SLC4A1AP: variants seen among roughly 807,000 people sequenced by gnomAD.
SLC4A1AP encodes kanadaptin.
In SLC4A1AP, 64 loss-of-function variants were observed where a neutral mutation model predicts 89.7. The observed-to-expected ratio is 0.71, with a 90% CI of 0.58 to 0.88. SLC4A1AP has a LOEUF of 0.88. Among genes scored for constraint, SLC4A1AP ranks in the 40% least tolerant of loss-of-function variants. SLC4A1AP has a pLI of 0.00. For missense variants in SLC4A1AP, 931 were observed against 965.0 expected (o/e 0.96, Z 0.47); for synonymous variants, 366 against 353.3 (o/e 1.04, Z -0.40).
At chr2:27,669,378 C>G in exon 5 of SLC4A1AP, 2 of 1,609,264 alleles carry the variant, frequency 1.2e-6, no homozygotes, top group Non-Finnish European at 1.7e-6. Context: ...ATTGCTTCGG[C>G]AGGAAGCAGG....
Position 27,677,935 on chromosome 2 carries a change from G to T in SLC4A1AP, c.1763+11G>T, listed in dbSNP as rs998153552. 1.3e-6 allele frequency: 2 copies of T among 1,548,328 alleles called. No individual in the cohort carries two copies. The highest frequency in any genetic ancestry group is 2.0e-5 in the Admixed American group (1 of 50,238). The stretch of plus-strand genomic sequence containing the variant: ...TCCAGAACTAAAAAAGTAAGTCTTA[G>T]TTATATTTGGAATTCTAAATAAGTA... On this transcript the variant is annotated intron_variant, in intron 8 of 13. Coordinates refer to ENST00000613058, the Ensembl canonical transcript of SLC4A1AP.
exon 6 of SLC4A1AP, chr2:27,675,557 C>T: frequency 6.3e-7 from 1 of 1,595,292 alleles, no homozygotes; most frequent in Non-Finnish European, 8.5e-7. Context: ...AAGCCAAGAA[C>T]TGGGAAGATG....
Position 27,676,922 on chromosome 2 carries a change from T to C in SLC4A1AP, c.1507-373T>C, listed in dbSNP as rs1333382591. Reference sequence around the variant, plus strand: ...TTGAGAGGCTGAGGCAGGCTGATCATGAGGTCAGGAGATTGAGACCATCCT... The same window carrying C: ...TTGAGAGGCTGAGGCAGGCTGATCACGAGGTCAGGAGATTGAGACCATCCT... On this transcript the variant is annotated intron_variant, in intron 6 of 13. Coordinates refer to ENST00000613058, the Ensembl canonical transcript of SLC4A1AP. Among the ~76,000 whole-genome samples the C allele has an allele frequency of 4.0e-5, 6 of 151,546 alleles. No individual in the cohort carries two copies. The East Asian group carries it at 1.2e-3, about 29-fold the overall frequency.
chr2:27,684,954 A>G, intron 9 of SLC4A1AP, 83 bp from the exon 10 acceptor site: 1 of 1,473,742 alleles, frequency 6.8e-7, no homozygotes, highest in Non-Finnish European at 9.1e-7. Flanking sequence ...CATTCAGTAC[A>G]TTTAGACTGA....
chr2:27,694,569 A>G (rs950096223), intron 13 of SLC4A1AP, 65 bp from the exon 14 acceptor site: 4 of 1,233,338 alleles, frequency 3.2e-6, no homozygotes, highest in East Asian at 2.5e-5. Context: ...TGATATCTGG[A>G]TATCTTTTCT....
intron 5 of SLC4A1AP, among the ~76,000 whole-genome samples, chr2:27,671,874 G>T (rs1176101357): frequency 6.6e-6 from 1 of 152,098 alleles, no homozygotes; most frequent in Admixed American, 6.6e-5. Flanking sequence ...GAGTGTATAG[G>T]AAATAAATTT....
chr2:27,684,916 T>G (rs1223210695), intron 9 of SLC4A1AP, 121 bp from the exon 10 acceptor site: 6 of 1,173,422 alleles, frequency 5.1e-6, no homozygotes, highest in Non-Finnish European at 5.9e-6. Context: ...CAGACTTCTG[T>G]GGAGTTCATC....
In SLC4A1AP at chr2:27,664,146, C is replaced by CATGT. The variant is rs1419908041; in HGVS notation, c.395_396insTGTA (p.Gln132HisfsTer52). 3 of 1,614,168 alleles carry CATGT rather than the reference C, an allele frequency of 1.9e-6. No individual in the cohort carries two copies. The East Asian group carries it at 6.7e-5, about 36-fold the overall frequency. On this transcript the variant is annotated frameshift_variant, in exon 1 of 14. Coordinates refer to ENST00000613058, the Ensembl canonical transcript of SLC4A1AP. LOFTEE classifies it high-confidence loss of function. Reference sequence around the variant, plus strand: ...GGACTGCGGTGATTTTAGGAGTCTACAGGAGGAGCAGTCGCGCCCCCCGAC... The same window carrying CATGT: ...GGACTGCGGTGATTTTAGGAGTCTACATGTAGGAGGAGCAGTCGCGCCCCCCGAC...
chr2:27,672,118 T>C (rs1356736488), intron 5 of SLC4A1AP, among the ~76,000 whole-genome samples: 1 of 152,208 alleles, frequency 6.6e-6, no homozygotes, highest in Non-Finnish European at 1.5e-5. Context: ...AACTATGAAG[T>C]ACTTTTCTGT....
At position 27,664,608 on chromosome 2, in the gene SLC4A1AP, G is replaced by A. The variant is rs377476273; in HGVS notation, c.825+31G>A. On this transcript the variant is annotated intron_variant, in intron 1 of 13. Coordinates refer to ENST00000613058, the Ensembl canonical transcript of SLC4A1AP. ...TAGAAAAACCTAGAATTGAAATTTC[G>A]GGTTCATTGGACTGCGTTCTTGTGC... 4.3e-5 allele frequency: 65 copies of A among 1,520,680 alleles called. No homozygotes were observed. In the African/African-American group the frequency reaches 8.4e-4, roughly 20 times the overall value. The allele number at this position is 1,520,680 out of a possible 1,614,324, so 94.2% of individuals were successfully genotyped here.
Position 27,685,260 on chromosome 2 carries a change from A to G in SLC4A1AP, c.2099A>G (p.Lys700Arg), listed in dbSNP as rs767738323. The G allele has an allele frequency of 1.5e-4, 246 of 1,609,834 alleles. No homozygotes were observed. The highest frequency in any genetic ancestry group is 2.0e-4 in the Non-Finnish European group (232 of 1,178,976). ...CCTCCCACAGATCTCACACATTTTA[A>G]AGAAACCCAAACCCATGGTAATATC... Residue 700 changes from lysine (K) to arginine (R), a missense_variant, in exon 10 of 14, where the codon AAA (lysine) becomes AGA (arginine). Coordinates refer to ENST00000613058, the Ensembl canonical transcript of SLC4A1AP.
At chr2:27,665,276 G>A in exon 2 of SLC4A1AP, 2 of 1,607,062 alleles carry the variant, frequency 1.2e-6, no homozygotes, top group Non-Finnish European at 1.7e-6. Flanking sequence ...ATGATGAGAT[G>A]GGTTGCACCT....
chr2:27,668,710 A>G (rs775720977), intron 3 of SLC4A1AP, 133 bp from the exon 4 acceptor site: 5 of 843,296 alleles, frequency 5.9e-6, no homozygotes, highest in South Asian at 2.7e-5. Context: ...TCAGCCTCCC[A>G]AAGTGTTAGG....
At chr2:27,693,490 C>A in intron 12 of SLC4A1AP, 195 bp from the exon 13 acceptor site, 1 of 548,954 alleles carries the variant, frequency 1.8e-6, no homozygotes, top group South Asian at 2.7e-5. Context: ...GTGACAAATT[C>A]CCTCAGCATG....
At chr2:27,668,988 G>A (rs915987906) in intron 4 of SLC4A1AP, 85 bp downstream of exon 4, 24 of 1,321,818 alleles carry the variant, frequency 1.8e-5, no homozygotes, top group Non-Finnish European at 2.6e-5. Flanking sequence ...AACCCAAAGA[G>A]TAACTTTCAT....
intron 1 of SLC4A1AP, among the ~76,000 whole-genome samples, 180 bp from the exon 2 acceptor site, chr2:27,664,920 A>AT (rs1199911817): frequency 2.1e-4 from 32 of 151,276 alleles, no homozygotes; most frequent in Non-Finnish European, 3.8e-4. Flanking sequence ...AAAAAAAAAA[A>AT]TTAGCCAGGC....
intron 8 of SLC4A1AP, among the ~76,000 whole-genome samples, chr2:27,679,557 G>A (rs1328629482): frequency 6.6e-6 from 1 of 152,130 alleles, no homozygotes; most frequent in African/African-American, 2.4e-5. Flanking sequence ...AGCCGAGATT[G>A]CGCCACTGCA....
At chr2:27,682,016 C>G (rs532942800) in intron 8 of SLC4A1AP, among the ~76,000 whole-genome samples, 2 of 152,294 alleles carry the variant, frequency 1.3e-5, no homozygotes, top group African/African-American at 4.8e-5. Flanking sequence ...TGGCAAATTA[C>G]TTGACTAAGG....
chr2:27,674,354 A>G (rs1404704756), intron 5 of SLC4A1AP, among the ~76,000 whole-genome samples: 1 of 152,164 alleles, frequency 6.6e-6, no homozygotes, highest in East Asian at 1.9e-4. Context: ...ATAGTTTCTT[A>G]TTGATGGACT....
Sources: gnomAD v4.1 joint callset for allele counts (sites outside exome capture counted in the v4.1 genomes callset) on GRCh38, gnomAD v4.1.1 for gene constraint, MANE v1.5 for transcripts, NCBI Gene and HGNC (gene_info 2026-07-23, HGNC 2026-07-21) for gene names.